Variants in HDAC9 observed in about 807,000 individuals in gnomAD.
HDAC9 encodes the protein MEF-2 interacting transcription repressor (MITR) protein.
HDAC9 carries 41 observed loss-of-function variants against 139.4 expected under a neutral mutation model. That is an observed-to-expected ratio of 0.29 (90% CI 0.23 to 0.38). The LOEUF (loss-of-function observed/expected upper bound fraction) is 0.38. Ranked by LOEUF, HDAC9 falls within the 10% of genes least tolerant of loss-of-function variation. HDAC9 has a pLI of 1.00. For missense variants in HDAC9, 1,147 were observed against 1,297.0 expected, an observed-to-expected ratio of 0.88 and a Z score of 1.78; for synonymous variants, 517 against 476.2, an observed-to-expected ratio of 1.09 and a Z score of -1.12.
Position 18,798,352 on chromosome 7 carries a change from C to A in HDAC9, c.2322+4900C>A, listed in dbSNP as rs1315161209. On this transcript the variant is annotated intron_variant, in intron 17 of 25. Transcript: ENST00000686413. The stretch of plus-strand genomic sequence containing the variant: ...ATTTTTCAAAACTCAGGAAAGTAAT[C>A]AAAGTCTTCCAACAACTCAGGAAGC... Among the ~76,000 whole-genome samples the A allele has an allele frequency of 2.0e-5, 3 of 152,144 alleles. No individual in the cohort carries two copies. The East Asian group carries it at 5.8e-4, about 29-fold the overall frequency.
chr7:18,102,057 T>C (rs981366272), intron 1 of HDAC9, among the ~76,000 whole-genome samples: 29 of 152,366 alleles, frequency 1.9e-4, no homozygotes, highest in African/African-American at 5.3e-4. Flanking sequence ...TAGTGAACTA[T>C]GTGCTGGTGA....
chr7:18,575,637 A>T (rs1825739067), intron 2 of HDAC9, among the ~76,000 whole-genome samples: 1 of 152,250 alleles, frequency 6.6e-6, no homozygotes, highest in Non-Finnish European at 1.5e-5. Context: ...ATTGTTTTCA[A>T]ATACTTACGC....
intron 12 of HDAC9, among the ~76,000 whole-genome samples, chr7:18,725,400 G>C (rs1047818685): frequency 3.3e-5 from 5 of 152,086 alleles, no homozygotes; most frequent in African/African-American, 7.2e-5. Flanking sequence ...ATGATCTAAG[G>C]CTTAAAATGT....
At chr7:18,810,282 C>T (rs1025372653) in intron 17 of HDAC9, among the ~76,000 whole-genome samples, 16 of 151,870 alleles carry the variant, frequency 1.1e-4, no homozygotes, top group South Asian at 6.2e-4. Flanking sequence ...GTGCATAATT[C>T]GGAGTATTCT....
intron 23 of HDAC9, among the ~76,000 whole-genome samples, chr7:18,939,952 T>C (rs901618870): frequency 3.3e-5 from 5 of 152,206 alleles, no homozygotes; most frequent in Middle Eastern, 3.2e-3. Flanking sequence ...TGAGGGCCTC[T>C]GCTCTTTGTC....
chr7:18,515,088 A>G (rs929510484), intron 2 of HDAC9, among the ~76,000 whole-genome samples: 1 of 152,224 alleles, frequency 6.6e-6, no homozygotes, highest in Non-Finnish European at 1.5e-5. Context: ...TTAAAATTTA[A>G]AAACAGAAAG....
rs1193411119 is a variant in HDAC9, at chr7:18,379,975, T to C, written c.-42+89460T>C. Among the ~76,000 whole-genome samples, 10 of 152,278 alleles carry C rather than the reference T, an allele frequency of 6.6e-5. No individual in the cohort carries two copies. The East Asian group carries it at 1.7e-3, about 26-fold the overall frequency. On this transcript the variant is annotated intron_variant, in intron 1 of 3. Coordinates refer to the HDAC9 transcript ENST00000413509. ...CTAAGTCAGGGCAGAATCGCTCCTG[T>C]TGCTCCCCACCTGGAGTAGAATGAA...
intron 1 of HDAC9, among the ~76,000 whole-genome samples, chr7:18,388,350 T>G (rs374529637): frequency 7.9e-5 from 12 of 152,216 alleles, no homozygotes; most frequent in African/African-American, 2.7e-4. Flanking sequence ...CAGTGAGGGC[T>G]GTGTAGCTTT....
chr7:18,966,654 T>A (rs1290726710), intron 24 of HDAC9, among the ~76,000 whole-genome samples: 1 of 151,902 alleles, frequency 6.6e-6, no homozygotes, highest in Non-Finnish European at 1.5e-5. Context: ...TGAATGGAGA[T>A]TGCACCACCG....
intron 25 of HDAC9, among the ~76,000 whole-genome samples, chr7:18,980,726 C>CCTTCTTCTTCTTCCTT (rs1784866522): frequency 3.0e-5 from 4 of 133,202 alleles, no homozygotes; most frequent in African/African-American, 8.3e-5. Flanking sequence ...TCTTCTTCTT[C>CCTTCTTCTTCTTCCTT]CTTCTTCTTC....
chr7:18,141,290 G>T (rs1453374600), intron 1 of HDAC9, among the ~76,000 whole-genome samples: 1 of 152,026 alleles, frequency 6.6e-6, no homozygotes, highest in African/African-American at 2.4e-5. Context: ...CCTTTATCTG[G>T]TGATAAATTT....
At chr7:18,596,037 G>A (rs943953564) in intron 6 of HDAC9, among the ~76,000 whole-genome samples, 3 of 151,864 alleles carry the variant, frequency 2.0e-5, no homozygotes, top group Non-Finnish European at 2.9e-5. Flanking sequence ...CATTTTCTGT[G>A]CCTTATTATG....
intron 2 of HDAC9, among the ~76,000 whole-genome samples, chr7:18,213,904 A>G (rs946703223): frequency 3.9e-5 from 6 of 152,140 alleles, no homozygotes; most frequent in Non-Finnish European, 7.4e-5. Context: ...CCATAATTCC[A>G]GTCCTTCCAG....
intron 24 of HDAC9, among the ~76,000 whole-genome samples, chr7:18,965,266 G>T (rs1325864460): frequency 6.6e-6 from 1 of 152,176 alleles, no homozygotes; most frequent in Non-Finnish European, 1.5e-5. Flanking sequence ...CAGGACATGG[G>T]ATAGTTTATT....
At chr7:18,280,530 T>C (rs1041766027) in intron 2 of HDAC9, among the ~76,000 whole-genome samples, 1 of 151,128 alleles carries the variant, frequency 6.6e-6, no homozygotes, top group Admixed American at 6.6e-5. Context: ...GGAGGTTGCA[T>C]TGAGCCAAGA....
chr7:18,794,708 GAAA>G (rs1792631344), intron 17 of HDAC9, among the ~76,000 whole-genome samples: 1 of 152,124 alleles, frequency 6.6e-6, no homozygotes, highest in South Asian at 2.1e-4. Flanking sequence ...AGAACTTGAG[GAAA>G]AATTCTTCCT....
intron 1 of HDAC9, among the ~76,000 whole-genome samples, chr7:18,133,228 A>G (rs532041236): frequency 6.6e-6 from 1 of 152,344 alleles, no homozygotes; most frequent in Non-Finnish European, 1.5e-5. Context: ...AAAATTGCCC[A>G]TGGCATATCA....
In HDAC9 at chr7:19,002,357, T is replaced by C. The variant is rs1786789463; in HGVS notation, c.*6295T>C. 6.6e-6 allele frequency: 1 copy of C among 152,126 alleles called. No individual in the cohort carries two copies. Among genetic ancestry groups the C allele is most frequent in the African/African-American group, 2.4e-5 (1 of 41,458 alleles). The allele number at this position is 152,126 out of a possible 1,614,324, so 9.4% of individuals were successfully genotyped here. A position where few individuals can be genotyped will look rare whatever the true frequency, so the allele number is the denominator to read the frequency against. ...TAAAATAACCCCTTTTGTTTTGTGT[T>C]TTCTACTGAATTAGATTTTCCTCTA... On this transcript the variant is annotated 3_prime_UTR_variant, in exon 26 of 26. Coordinates refer to ENST00000686413, the MANE Select transcript of HDAC9 (RefSeq NM_178425.4).
intron 2 of HDAC9, among the ~76,000 whole-genome samples, chr7:18,226,326 G>T (rs1793052079): frequency 6.6e-6 from 1 of 152,226 alleles, no homozygotes; most frequent in South Asian, 2.1e-4. Flanking sequence ...ACAACTGCAG[G>T]CTCCCCTGCA....
Sources: gnomAD v4.1 joint callset for allele counts (sites outside exome capture counted in the v4.1 genomes callset) on GRCh38, gnomAD v4.1.1 for gene constraint, MANE v1.5 for transcripts, NCBI Gene and HGNC (gene_info 2026-07-23, HGNC 2026-07-21) for gene names.